The following CDH4 variants were observed in gnomAD, a reference collection of about 807,000 sequenced individuals.
The protein encoded by CDH4 is cadherin-4.
Under a neutral mutation model 86.0 loss-of-function variants are expected in CDH4, and 33 were observed. The ratio of observed to expected loss-of-function variants is 0.38; its 90% CI spans 0.29 to 0.51. The LOEUF (loss-of-function observed/expected upper bound fraction) is 0.51, where lower values mean the gene tolerates loss of function less well. CDH4 is among the 20% of genes least tolerant of loss of function. The pLI is 0.86. For synonymous variants in CDH4, 555 were observed against 549.4 expected (o/e 1.01, Z -0.14); for missense variants, 1,114 against 1,307.4 (o/e 0.85, Z 2.28).
chr20:61,348,306 C>T (rs1164804733), intron 2 of CDH4, among the ~76,000 whole-genome samples: 1 of 152,164 alleles, frequency 6.6e-6, no homozygotes, highest in South Asian at 2.1e-4. Context: ...ATCATCAGAT[C>T]CCATGAGACT....
At chr20:61,875,947 C>T (rs1032568747) in intron 7 of CDH4, among the ~76,000 whole-genome samples, 1 of 152,236 alleles carries the variant, frequency 6.6e-6, no homozygotes, top group Non-Finnish European at 1.5e-5. Context: ...AACACACACA[C>T]ACACACACAC....
rs762783096 is a variant in CDH4 at position 61,743,787 on chromosome 20, A to C, written c.394A>C (p.Lys132Gln). 6.3e-7 allele frequency: 1 copy of C among 1,595,550 alleles called. No homozygotes were observed. Among genetic ancestry groups the C allele is most frequent in the South Asian group, 1.1e-5 (1 of 87,984 alleles). ...GACCTCGTCCCCGCACTCTGGACACAAGGTAAGGTGTGACCGCCCGGGTCT... is the reference window on the plus strand; with the variant it reads ...GACCTCGTCCCCGCACTCTGGACACCAGGTAAGGTGTGACCGCCCGGGTCT... ...AQTSSPHSGH[K>Q]PQKGKKVVAL... Residue 132 changes from lysine to glutamine, a missense_variant and splice_region_variant, in exon 3 of 16, where the codon AAG becomes CAG. Lys to Gln is a moderately conservative substitution (Grantham distance 53, BLOSUM62 1). Coordinates refer to ENST00000614565, the MANE Select transcript of CDH4 (RefSeq NM_001794.5).
In CDH4 at chr20:61,252,499, C is replaced by A. The variant is rs781749649; in HGVS notation, c.-15C>A. 18 of 1,164,226 alleles carry A rather than the reference C, an allele frequency of 1.5e-5. No homozygotes were observed. In the African/African-American group the frequency reaches 3.0e-4, roughly 19 times the overall value. 72.1% of individuals were successfully genotyped at this position (1,164,226 alleles called of 1,614,324 possible). On this transcript the variant is annotated 5_prime_UTR_variant, in exon 1 of 16. Coordinates refer to ENST00000614565, the MANE Select transcript of CDH4 (RefSeq NM_001794.5). The surrounding 1 kb of genome is among the most constrained non-coding windows in gnomAD (Gnocchi z 4.4). ...CGGGCTCCCGGTGCCGGGCACCGGGCGGGCGGCGGGGAAGATGACCGCGGG... is the reference window on the plus strand; with the variant it reads ...CGGGCTCCCGGTGCCGGGCACCGGGAGGGCGGCGGGGAAGATGACCGCGGG...
intron 2 of CDH4, among the ~76,000 whole-genome samples, chr20:61,381,641 C>T (rs2084901399): frequency 6.6e-6 from 1 of 151,984 alleles, no homozygotes; most frequent in African/African-American, 2.4e-5. Context: ...AATGTCCCCC[C>T]TTGGAAGATT....
rs954079282 is a variant in CDH4, at chr20:61,810,002, A to G, written c.577-34666A>G. Among the ~76,000 whole-genome samples the G allele has an allele frequency of 3.3e-5, 5 of 152,136 alleles. No individual in the cohort carries two copies. The highest frequency in any genetic ancestry group is 4.8e-5 in the African/African-American group (2 of 41,412). On this transcript the variant is annotated intron_variant, in intron 4 of 15. Transcript: ENST00000614565. The surrounding 1 kb of genome is among the most constrained non-coding windows in gnomAD (Gnocchi z 4.3). ...TAGAAGACCATCGTATCAGTTGGTG[A>G]TTGCCGTGATAATCCTGCATAACAA...
intron 4 of CDH4, among the ~76,000 whole-genome samples, chr20:61,791,418 T>A (rs1979194375): frequency 2.0e-5 from 3 of 152,222 alleles, no homozygotes; most frequent in Admixed American, 2.0e-4. Context: ...AGAGGAAATG[T>A]TAGGTTTTTC....
intron 2 of CDH4, among the ~76,000 whole-genome samples, chr20:61,291,571 C>T (rs985028022): frequency 2.0e-5 from 3 of 152,212 alleles, no homozygotes; most frequent in African/African-American, 7.2e-5. Context: ...CAAGGTGCTG[C>T]AAAGACTGCC....
intron 2 of CDH4, among the ~76,000 whole-genome samples, chr20:61,381,341 G>A (rs2084899857): frequency 6.6e-6 from 1 of 152,180 alleles, no homozygotes; most frequent in African/African-American, 2.4e-5. Flanking sequence ...AAGTTCTTTG[G>A]GAGAAAGTAA....
intron 4 of CDH4, among the ~76,000 whole-genome samples, chr20:61,803,469 G>T (rs1373055515): frequency 6.6e-6 from 1 of 152,230 alleles, no homozygotes; most frequent in African/African-American, 2.4e-5. Context: ...ATGGTAACTT[G>T]ATTACATGTT....
intron 2 of CDH4, chr20:61,719,110 T>C (rs2145909760): frequency 2.1e-6 from 1 of 471,094 alleles, no homozygotes; most frequent in Non-Finnish European, 4.4e-6. Flanking sequence ...TATCCCAGCC[T>C]CTTCATGTCA....
intron 2 of CDH4, chr20:61,499,398 T>A: frequency 8.1e-7 from 1 of 1,230,074 alleles, no homozygotes; most frequent in Non-Finnish European, 1.1e-6. Context: ...TATGCGGGAC[T>A]GGGGTGCAGG....
chr20:61,639,621 C>T (rs530245992), intron 2 of CDH4, among the ~76,000 whole-genome samples: 43 of 152,330 alleles, frequency 2.8e-4, no homozygotes, highest in African/African-American at 1.0e-3. Context: ...AGGGATACAT[C>T]GCGTCAGTGC....
chr20:61,775,773 C>T (rs994969030), intron 4 of CDH4, among the ~76,000 whole-genome samples: 3 of 152,208 alleles, frequency 2.0e-5, no homozygotes, highest in African/African-American at 4.8e-5. Flanking sequence ...CGGCATCTGA[C>T]TGTTATCTCT....
chr20:61,776,198 G>A (rs1167080076), intron 4 of CDH4, among the ~76,000 whole-genome samples: 1 of 152,178 alleles, frequency 6.6e-6, no homozygotes, highest in Admixed American at 6.5e-5. Context: ...GCCCTGATGG[G>A]GAACATGGCT....
intron 2 of CDH4, among the ~76,000 whole-genome samples, chr20:61,345,144 G>A (rs2084671195): frequency 6.6e-6 from 1 of 152,224 alleles, no homozygotes; most frequent in Non-Finnish European, 1.5e-5. Context: ...TGCTCCTAAT[G>A]AGAAACCTAA....
intron 2 of CDH4, among the ~76,000 whole-genome samples, chr20:61,484,985 CT>C (rs1299446288): frequency 1.3e-5 from 2 of 152,186 alleles, no homozygotes; most frequent in African/African-American, 4.8e-5. Context: ...TGGGATGTAC[CT>C]GTGAATTTCA....
chr20:61,938,074 G>A lies in CDH4; in HGVS notation c.*1131G>A, dbSNP rs2386557. ...CCTGTGCTCCTGATTCCCGCCAGAC[G>A]CTTGTGAGCCTGTGTGGGTGGCAGG... On this transcript the variant is annotated 3_prime_UTR_variant, in exon 16 of 16. Transcript: ENST00000614565. The A allele has an allele frequency of 9.1e-3, 1,383 of 152,676 alleles. 7 individuals are homozygous for A. Among genetic ancestry groups the A allele is most frequent in the Non-Finnish European group, 9.9e-3 (675 of 68,318 alleles). The allele number at this position is 152,676 out of a possible 1,614,324, so 9.5% of individuals were successfully genotyped here.
rs11699722 is a variant in CDH4, at chr20:61,667,080, C to T, written c.170-76483C>T. Among the ~76,000 whole-genome samples the T allele has an allele frequency of 3.0e-3, 454 of 152,342 alleles. 4 individuals are homozygous for T. The highest frequency in any genetic ancestry group is 3.1e-3 in the Non-Finnish European group (210 of 68,038). ...GACGCCACCATCTCATAAGCTGCAC[C>T]CAGGGTCCCTGTGGATGTGCTTGAT... On this transcript the variant is annotated intron_variant, in intron 2 of 15. Transcript: ENST00000614565.
chr20:61,352,039 G>A (rs2084715883), intron 2 of CDH4, among the ~76,000 whole-genome samples: 3 of 152,118 alleles, frequency 2.0e-5, no homozygotes, highest in South Asian at 4.2e-4. Flanking sequence ...TTTTAAGTGT[G>A]CAATTAGATT....
Sources: allele counts gnomAD v4.1 joint callset (sites outside exome capture counted in the v4.1 genomes callset), GRCh38; gene constraint gnomAD v4.1.1; non-coding constraint Gnocchi (gnomAD v3.1); transcripts MANE v1.5; gene names NCBI Gene and HGNC (gene_info 2026-07-23, HGNC 2026-07-21).